Variants in LONRF1 observed in about 807,000 individuals in gnomAD.
LONRF1 encodes the protein LON peptidase N-terminal domain and RING finger protein 1.
LONRF1 carries 37 observed loss-of-function variants against 85.8 expected under a neutral mutation model. The ratio of observed to expected loss-of-function variants is 0.43; its 90% CI spans 0.33 to 0.57. The LOEUF (loss-of-function observed/expected upper bound fraction) is 0.57. Among genes scored for constraint, LONRF1 ranks in the 20% least tolerant of loss-of-function variants. The pLI, the probability that LONRF1 is intolerant of heterozygous loss-of-function variation, is 0.04. For missense variants in LONRF1, 1,036 were observed against 978.0 expected (o/e 1.06, Z -0.79); for synonymous variants, 517 against 390.1 (o/e 1.33, Z -3.83).
chr8:12,749,287 G>A (rs1394499813), intron 1 of LONRF1, among the ~76,000 whole-genome samples: 56 of 152,144 alleles, frequency 3.7e-4, no homozygotes, highest in Non-Finnish European at 1.5e-5. Context: ...GATCAGGAGA[G>A]CAGACTGGAC....
chr8:12,752,481 T>C (rs1280612493), intron 1 of LONRF1, among the ~76,000 whole-genome samples: 2 of 152,242 alleles, frequency 1.3e-5, no homozygotes, highest in African/African-American at 4.8e-5. Flanking sequence ...GAATTAATGA[T>C]TCTTGAAAGA....
chr8:12,735,299 T>C lies in LONRF1; in HGVS notation c.1553A>G (p.Glu518Gly), dbSNP rs780932555. 1.7e-5 allele frequency: 28 copies of C among 1,600,938 alleles called. No individual in the cohort carries two copies. The South Asian group carries it at 3.0e-4, about 17-fold the overall frequency. ...ACAAATATTTACCTCTTTTAAGCTT[T>C]CTTTGCAAAGAGGACAATATGGTGC... is the stretch of plus-strand genomic sequence containing the variant. ...DHAPYCPLCK[E>G]SLKEYLADRR... is the part of the protein sequence containing the mutation. The change falls in exon 7 of 12, where the codon GAA becomes GGA. Residue 518 changes from glutamate (E) to glycine (G), a missense_variant. Transcript: ENST00000398246.
intron 1 of LONRF1, among the ~76,000 whole-genome samples, chr8:12,750,907 G>C (rs1038252010): frequency 1.3e-5 from 2 of 152,126 alleles, no homozygotes; most frequent in Non-Finnish European, 2.9e-5. Flanking sequence ...TAAAAATATT[G>C]AATTAATATT....
chr8:12,744,492 C>A (rs1041810651), intron 1 of LONRF1, among the ~76,000 whole-genome samples: 3 of 152,202 alleles, frequency 2.0e-5, no homozygotes, highest in Non-Finnish European at 2.9e-5. Flanking sequence ...ATTAAAAGTT[C>A]AATATGATTA....
rs755664007 is a variant in LONRF1 at position 12,755,098 on chromosome 8, G to T, written c.323C>A (p.Ala108Asp). Residue 108 changes from alanine (A) to aspartate (D), a missense_variant, in exon 1 of 12, where the codon GCC becomes GAC. Physicochemically the swap from Ala to Asp is moderately radical, Grantham distance 126 (BLOSUM62 -2). This residue lies in a region of LONRF1 where 742 missense variants were observed against 614.4 expected (regional missense o/e 1.21). Coordinates refer to ENST00000398246, the MANE Select transcript of LONRF1 (RefSeq NM_152271.5). ...GCCGCCGTCAGCGCCTGCAACCGGG[G>T]CCGCGCTCCAGCCCAGCCCGTGGCG... is the stretch of plus-strand genomic sequence containing the variant. The part of the protein sequence containing the change: ...RLRHGLGWSA[A>D]PVAGADGGAG... The T allele has an allele frequency of 2.7e-6, 4 of 1,470,902 alleles. No homozygotes were observed. The South Asian group carries it at 3.9e-5, about 14-fold the overall frequency. The allele number at this position is 1,470,902 out of a possible 1,614,324, so 91.1% of individuals were successfully genotyped here. A position where few individuals can be genotyped will look rare whatever the true frequency, so the allele number is the denominator to read the frequency against.
intron 1 of LONRF1, among the ~76,000 whole-genome samples, chr8:12,745,368 A>G (rs1168223950): frequency 7.0e-6 from 1 of 143,346 alleles, no homozygotes; most frequent in Non-Finnish European, 1.5e-5. Flanking sequence ...GGTGAGTTCA[A>G]ACTTCCAATA....
intron 8 of LONRF1, 100 bp from the exon 9 acceptor site, chr8:12,729,432 T>A: frequency 3.4e-6 from 4 of 1,186,594 alleles, no homozygotes; most frequent in Admixed American, 5.1e-5. Flanking sequence ...TGAACTAATG[T>A]AAAGCAAAAA....
chr8:12,732,516 T>A (rs972267934), intron 7 of LONRF1, among the ~76,000 whole-genome samples: 7 of 151,806 alleles, frequency 4.6e-5, no homozygotes, highest in African/African-American at 1.7e-4. Context: ...GACCCCTAAA[T>A]ACTCTGAAAA....
intron 1 of LONRF1, chr8:12,754,424 C>A: frequency 3.3e-6 from 1 of 302,518 alleles, no homozygotes; most frequent in South Asian, 1.5e-4. Flanking sequence ...AGCGCGCGCC[C>A]GACAGCCAGG....
chr8:12,754,568 C>A (rs1274567668), intron 1 of LONRF1, 132 bp downstream of exon 1: 3 of 1,090,892 alleles, frequency 2.8e-6, no homozygotes, highest in Non-Finnish European at 3.5e-6. Context: ...CCCCGAGACC[C>A]GACACGCCAG....
Position 12,747,673 on chromosome 8 carries a change from T to C in LONRF1, c.722-4391A>G, listed in dbSNP as rs143238839. ...TAAGGGACAAAAAGTAGATTGGTTG[T>C]TTTAAAGTTGAAAACTTTCTTTACA... On this transcript the variant is annotated intron_variant, in intron 1 of 11. Coordinates refer to ENST00000398246, the MANE Select transcript of LONRF1 (RefSeq NM_152271.5). Among the ~76,000 whole-genome samples, 241 of 152,312 alleles carry C rather than the reference T, an allele frequency of 1.6e-3. 1 individual carries two copies. Among genetic ancestry groups the C allele is most frequent in the South Asian group, 0.012 (56 of 4,812 alleles).
chr8:12,737,496 G>A (rs939154658), intron 4 of LONRF1: 13 of 372,220 alleles, frequency 3.5e-5, no homozygotes, highest in Non-Finnish European at 6.7e-5. Context: ...GTAACCTAGA[G>A]ATGATTTAAG....
chr8:12,727,525 G>A (rs940350840), intron 10 of LONRF1, among the ~76,000 whole-genome samples: 1 of 151,986 alleles, frequency 6.6e-6, no homozygotes, highest in African/African-American at 2.4e-5. Context: ...AAGAGGACTC[G>A]TTTATAAATA....
rs140565307 is a variant in LONRF1, at chr8:12,729,628, G to C, written c.1689-296C>G. The stretch of plus-strand genomic sequence containing the variant: ...AGAGCTAAGTATGTTTATGAATCAA[G>C]AGAATTTATTATAAGTAATATTTTA... On this transcript the variant is annotated intron_variant, in intron 8 of 11. Coordinates refer to ENST00000398246, the MANE Select transcript of LONRF1 (RefSeq NM_152271.5). Among the ~76,000 whole-genome samples the C allele has an allele frequency of 1.7e-3, 251 of 151,984 alleles. 2 individuals carry two copies. Among genetic ancestry groups the C allele is most frequent in the African/African-American group, 5.8e-3 (241 of 41,506 alleles).
In LONRF1 at chr8:12,728,974, C is replaced by T; in HGVS notation, c.1937G>A (p.Arg646Gln). The part of the protein sequence containing the change: ...RSVVDTVGGK[R>Q]FRVLKRGMKD... Reference sequence around the variant, plus strand: ...CATTCCTCTTTTTAAAACCCTAAACCGCTTTCCTCCAACTGTATCAACCAC... The same window carrying T: ...CATTCCTCTTTTTAAAACCCTAAACTGCTTTCCTCCAACTGTATCAACCAC... The change falls in exon 10 of 12, where the codon CGG (arginine) becomes CAG (glutamine). Residue 646 changes from arginine to glutamine, a missense_variant. By Grantham distance (43) the Arg-to-Gln change is conservative. This residue lies in a region of LONRF1 where 265 missense variants were observed against 301.5 expected (regional missense o/e 0.88). Coordinates refer to ENST00000398246, the MANE Select transcript of LONRF1 (RefSeq NM_152271.5). 6.2e-7 allele frequency: 1 copy of T among 1,614,024 alleles called. No individual in the cohort carries two copies. Among genetic ancestry groups the T allele is most frequent in the Non-Finnish European group, 8.5e-7 (1 of 1,179,894 alleles).
chr8:12,748,305 A>G (rs113442691), intron 1 of LONRF1, among the ~76,000 whole-genome samples: 2,588 of 152,246 alleles, frequency 0.017, 85 homozygotes, highest in African/African-American at 0.059. Flanking sequence ...CCTATGCTCA[A>G]TAGATACTCC....
At chr8:12,737,702 T>C (rs974109412) in intron 4 of LONRF1, among the ~76,000 whole-genome samples, 2 of 152,164 alleles carry the variant, frequency 1.3e-5, no homozygotes, top group African/African-American at 2.4e-5. Context: ...AAAGTAGTTA[T>C]GCTATAACAC....
At position 12,755,308 on chromosome 8, in the gene LONRF1, A is replaced by T; in HGVS notation, c.113T>A (p.Leu38Gln). 1 of 1,249,924 alleles carries T rather than the reference A, an allele frequency of 8.0e-7. No individual in the cohort carries two copies. The highest frequency in any genetic ancestry group is 1.0e-6 in the Non-Finnish European group (1 of 994,126). 77.4% of individuals were successfully genotyped at this position (1,249,924 alleles called of 1,614,324 possible). A position where few individuals can be genotyped will look rare whatever the true frequency, so the allele number is the denominator to read the frequency against. The change falls in exon 1 of 12, where the codon CTG becomes CAG. Residue 38 changes from leucine to glutamine, a missense_variant. Transcript: ENST00000398246. ...WEVGGGSGHR[L>Q]ERAAAESERW... ...CTCCGACTCCGCGGCCGCGCGCTCC[A>T]GCCGATGGCCGCTGCCGCCGCCCAC... is the stretch of plus-strand genomic sequence containing the variant.
At chr8:12,750,227 A>G (rs907985335) in intron 1 of LONRF1, among the ~76,000 whole-genome samples, 2 of 152,214 alleles carry the variant, frequency 1.3e-5, no homozygotes, top group African/African-American at 4.8e-5. Context: ...AGAAATGAAA[A>G]TAATTGTGAA....
Sources: allele counts gnomAD v4.1 joint callset (sites outside exome capture counted in the v4.1 genomes callset), GRCh38; gene constraint gnomAD v4.1.1; regional missense constraint gnomAD v4.1.1; transcripts MANE v1.5; gene names NCBI Gene and HGNC (gene_info 2026-07-23, HGNC 2026-07-21).